The following KATNIP variants were observed in gnomAD, a reference collection of about 807,000 sequenced individuals.
The protein encoded by KATNIP is katanin-interacting protein.
Under a neutral mutation model 174.0 loss-of-function variants are expected in KATNIP, and 126 were observed. That is an observed-to-expected ratio of 0.72 (90% CI 0.63 to 0.84). The LOEUF is 0.84. KATNIP is among the 40% of genes least tolerant of loss of function. The probability of loss-of-function intolerance (pLI) is 0.00; values close to 1 mark genes in which losing one functional copy is unlikely to be tolerated. For missense variants in KATNIP, 1,958 were observed against 2,109.7 expected, an observed-to-expected ratio of 0.93 and a Z score of 1.41; for synonymous variants, 810 against 835.7, an observed-to-expected ratio of 0.97 and a Z score of 0.53.
chr16:27,577,446 C>T (rs2090538847), intron 2 of KATNIP, among the ~76,000 whole-genome samples: 1 of 152,138 alleles, frequency 6.6e-6, no homozygotes, highest in Admixed American at 6.6e-5. Flanking sequence ...AATCCCAGCA[C>T]TTTGGGAGGC....
intron 18 of KATNIP, among the ~76,000 whole-genome samples, chr16:27,759,754 A>G (rs1307007780): frequency 3.9e-5 from 6 of 152,196 alleles, no homozygotes; most frequent in Admixed American, 2.0e-4. Context: ...CTTCTGTCCC[A>G]GTGTTCAAAG....
intron 5 of KATNIP, among the ~76,000 whole-genome samples, chr16:27,639,769 G>T (rs1259168221): frequency 1.3e-5 from 2 of 152,184 alleles, no homozygotes. Context: ...TTGCAGTGAG[G>T]ACGACAAATG....
At chr16:27,657,575 T>C (rs1445904351) in intron 6 of KATNIP, among the ~76,000 whole-genome samples, 2 of 147,956 alleles carry the variant, frequency 1.4e-5, no homozygotes, top group Non-Finnish European at 3.0e-5. Flanking sequence ...AAAGAAAGCA[T>C]ACCTAGTTAA....
At chr16:27,604,662 A>G (rs1426674014) in intron 2 of KATNIP, among the ~76,000 whole-genome samples, 2 of 152,222 alleles carry the variant, frequency 1.3e-5, no homozygotes, top group Non-Finnish European at 2.9e-5. Context: ...GGAAGTGTTC[A>G]GCCAATACTG....
Position 27,766,398 on chromosome 16 carries a change from G to C in KATNIP, c.3899G>C (p.Arg1300Pro). The change falls in exon 20 of 28, where the codon CGC becomes CCC. Residue 1300 changes from arginine to proline, a missense_variant. This residue lies in a region of KATNIP where 383 missense variants were observed against 456.0 expected (regional missense o/e 0.84). Coordinates refer to ENST00000261588, the MANE Select transcript of KATNIP (RefSeq NM_015202.5). Reference protein sequence around the residue: ...SPGLDHVVTIRLDRAESIAGL... With the variant: ...SPGLDHVVTIPLDRAESIAGL... ...GGGCTGGACCATGTGGTCACGATCC[G>C]CCTGGACAGGGCCGAAAGCATCGCA... 1.2e-6 allele frequency: 2 copies of C among 1,614,146 alleles called. No individual in the cohort carries two copies. The highest frequency in any genetic ancestry group is 8.5e-7 in the Non-Finnish European group (1 of 1,180,030).
At chr16:27,672,687 A>C (rs1417085177) in intron 6 of KATNIP, among the ~76,000 whole-genome samples, 1 of 152,236 alleles carries the variant, frequency 6.6e-6, no homozygotes, top group Non-Finnish European at 1.5e-5. Context: ...GGCGGAGTGC[A>C]GAAGTCACAG....
chr16:27,593,071 A>G (rs138206254), intron 2 of KATNIP, among the ~76,000 whole-genome samples: 3 of 152,126 alleles, frequency 2.0e-5, no homozygotes, highest in African/African-American at 7.2e-5. Context: ...GCTCTTATCT[A>G]TCTACCTCTC....
At chr16:27,602,540 G>C (rs911134409) in intron 2 of KATNIP, among the ~76,000 whole-genome samples, 2 of 152,144 alleles carry the variant, frequency 1.3e-5, no homozygotes, top group African/African-American at 4.8e-5. Context: ...GGTTCATTCT[G>C]CCTGCTGCCC....
At chr16:27,659,830 C>T (rs1053927015) in intron 6 of KATNIP, among the ~76,000 whole-genome samples, 1 of 152,180 alleles carries the variant, frequency 6.6e-6, no homozygotes, top group African/African-American at 2.4e-5. Context: ...GGGCCAGCTT[C>T]AGCTCACAGA....
At position 27,574,793 on chromosome 16, in the gene KATNIP, A is replaced by ATCTCAGGTGATCT. The variant is rs11272755; in HGVS notation, c.63+837_63+838insTCTCAGGTGATCT. Among the ~76,000 whole-genome samples the ATCTCAGGTGATCT allele has an allele frequency of 3.1e-4, 47 of 151,810 alleles. 1 individual carries two copies. Among genetic ancestry groups the ATCTCAGGTGATCT allele is most frequent in the African/African-American group, 8.4e-4 (35 of 41,426 alleles). On this transcript the variant is annotated intron_variant, in intron 2 of 27. Transcript: ENST00000261588. ...TGGCCAGGCTGGTCTCGAACTCCCG[A>ATCTCAGGTGATCT]GCCCGCCTCAGTCTCCCAAAGTGCT...
At chr16:27,574,232 A>C (rs2090407042) in intron 2 of KATNIP, 1 of 441,012 alleles carries the variant, frequency 2.3e-6, no homozygotes, top group Non-Finnish European at 4.2e-6. Context: ...TTAAAACAAC[A>C]ACCATATATT....
intron 14 of KATNIP, among the ~76,000 whole-genome samples, chr16:27,730,804 C>T (rs1002268898): frequency 1.3e-5 from 2 of 152,198 alleles, no homozygotes; most frequent in African/African-American, 2.4e-5. Flanking sequence ...CAAACAGGCA[C>T]CCCCGGCCAA....
At chr16:27,746,038 C>G (rs773045697) in intron 15 of KATNIP, among the ~76,000 whole-genome samples, 1 of 133,184 alleles carries the variant, frequency 7.5e-6, no homozygotes, top group Non-Finnish European at 1.5e-5. Context: ...AATTTCAGTT[C>G]ACTGCAACCT....
intron 2 of KATNIP, among the ~76,000 whole-genome samples, chr16:27,604,913 C>G (rs1407315846): frequency 6.6e-6 from 1 of 152,074 alleles, no homozygotes; most frequent in Non-Finnish European, 1.5e-5. Flanking sequence ...TTAAAGTAAA[C>G]TCATTCAAGT....
At chr16:27,638,061 A>AT (rs1380558343) in intron 5 of KATNIP, among the ~76,000 whole-genome samples, 1 of 151,840 alleles carries the variant, frequency 6.6e-6, no homozygotes, top group Non-Finnish European at 1.5e-5. Context: ...CTCCCTCCAT[A>AT]TTTGTTAGTT....
chr16:27,721,693 G>A lies in KATNIP; in HGVS notation c.1741G>A (p.Gly581Ser), dbSNP rs1197862192. 3 of 1,613,718 alleles carry A rather than the reference G, an allele frequency of 1.9e-6. No individual in the cohort carries two copies. In the South Asian group the frequency reaches 3.3e-5, roughly 18 times the overall value. The change falls in exon 14 of 28, where the codon GGC becomes AGC. Residue 581 changes from glycine (G) to serine (S), a missense_variant and splice_region_variant. This residue lies in a region of KATNIP where 1,557 missense variants were observed against 1,617.8 expected (regional missense o/e 0.96). Transcript: ENST00000261588. ...GGTTCGGAATTACTGGACAGCTGAT[G>A]GCGTAAGTAACAGGCGCTGGTTCCC... ...IKVRNYWTAD[G>S]DLDIGAKNVK...
At chr16:27,621,358 C>G (rs1183429170) in intron 3 of KATNIP, among the ~76,000 whole-genome samples, 1 of 152,068 alleles carries the variant, frequency 6.6e-6, no homozygotes, top group Non-Finnish European at 1.5e-5. Flanking sequence ...ATTATGTAAT[C>G]AAAATCGACT....
At chr16:27,658,474 G>A (rs1422804305) in intron 6 of KATNIP, among the ~76,000 whole-genome samples, 1 of 152,028 alleles carries the variant, frequency 6.6e-6, no homozygotes, top group Admixed American at 6.6e-5. Context: ...TTAGATTTGA[G>A]GACTGTAAAA....
intron 15 of KATNIP, among the ~76,000 whole-genome samples, chr16:27,747,175 T>G (rs1171124849): frequency 1.3e-5 from 2 of 151,336 alleles, no homozygotes; most frequent in African/African-American, 4.9e-5. Context: ...ATGGAGAGAG[T>G]TGTCAGTGGG....
Sources: allele counts gnomAD v4.1 joint callset (sites outside exome capture counted in the v4.1 genomes callset), GRCh38; gene constraint gnomAD v4.1.1; regional missense constraint gnomAD v4.1.1; transcripts MANE v1.5; gene names NCBI Gene and HGNC (gene_info 2026-07-23, HGNC 2026-07-21).